The following AMZ1 variants were observed in gnomAD, a reference collection of about 807,000 sequenced individuals.
AMZ1 encodes the protein archaelysin family metallopeptidase 1.
A neutral mutation model predicts 29.9 loss-of-function variants in AMZ1; 39 were observed. The ratio of observed to expected loss-of-function variants is 1.30; its 90% CI spans 1.01 to 1.70. AMZ1 has a LOEUF of 1.70. AMZ1 is among the 40% of genes most tolerant of loss of function. The pLI, the probability that AMZ1 is intolerant of heterozygous loss-of-function variation, is 0.00. For missense variants in AMZ1, 1,041 were observed against 680.6 expected (o/e 1.53, Z -5.89); for synonymous variants, 458 against 304.0 (o/e 1.51, Z -5.27).
In AMZ1 at chr7:2,738,103, T is replaced by G. The variant is rs979426843; in HGVS notation, n.551-26609T>G. ...TTTAATTTGGGTACCTATGAATTGTTTGTTGCTAATTTATCATCCCCAAAT... is the reference window on the plus strand; with the variant it reads ...TTTAATTTGGGTACCTATGAATTGTGTGTTGCTAATTTATCATCCCCAAAT... On this transcript the variant is annotated intron_variant and non_coding_transcript_variant, in intron 4 of 4. Transcript: ENST00000489665. Among the ~76,000 whole-genome samples, 118 of 152,276 alleles carry G rather than the reference T, an allele frequency of 7.7e-4. 1 individual carries two copies. Among genetic ancestry groups the G allele is most frequent in the African/African-American group, 2.8e-3 (115 of 41,540 alleles).
At chr7:2,762,270 A>G (rs1791595534), upstream of AMZ1, 1 of 228,880 alleles carries the variant, frequency 4.4e-6, no homozygotes, top group East Asian at 8.2e-5. Flanking sequence ...TAGGGTCGTC[A>G]CAGAAGGTGC....
Position 2,715,386 on chromosome 7 carries a change from A to AT in AMZ1, c.*2508_*2509insT, listed in dbSNP as rs1456346233. 6.6e-6 allele frequency: 1 copy of AT among 152,360 alleles called. No homozygotes were observed. Among genetic ancestry groups the AT allele is most frequent in the Non-Finnish European group, 1.5e-5 (1 of 68,050 alleles). The allele number at this position is 152,360 out of a possible 1,614,324, so 9.4% of individuals were successfully genotyped here. On this transcript the variant is annotated 3_prime_UTR_variant, in exon 7 of 7. Coordinates refer to ENST00000683327, the MANE Select transcript of AMZ1 (RefSeq NM_001384743.1). ...TTTTCCGATTTCCTTCATCTTCTGC[A>AT]AAAGGTTAACCGCTGGAGTGATGCG...
chr7:2,764,057 A>G (rs972767775), upstream of AMZ1, among the ~76,000 whole-genome samples: 2 of 151,702 alleles, frequency 1.3e-5, no homozygotes, highest in African/African-American at 4.8e-5. Flanking sequence ...GTGTCCTCTG[A>G]TTGGTTGAGT....
chr7:2,757,598 G>C (rs575643510), intron 4 of AMZ1, among the ~76,000 whole-genome samples: 1 of 152,194 alleles, frequency 6.6e-6, no homozygotes, highest in Non-Finnish European at 1.5e-5. Flanking sequence ...AGCACGTGGC[G>C]AACTCTGGAT....
intron 6 of AMZ1, among the ~76,000 whole-genome samples, 194 bp from the exon 7 acceptor site, chr7:2,712,136 T>C (rs956911800): frequency 4.6e-5 from 7 of 152,196 alleles, no homozygotes; most frequent in Non-Finnish European, 8.8e-5. Context: ...GGTGGGTACC[T>C]CTGACTCTGG....
upstream of AMZ1, among the ~76,000 whole-genome samples, chr7:2,683,657 C>G (rs1357318610): frequency 6.6e-6 from 1 of 152,076 alleles, no homozygotes; most frequent in Non-Finnish European, 1.5e-5. Context: ...CCAGGATGGT[C>G]TCGATCTCCT....
chr7:2,733,725 T>C (rs1329449133), intron 4 of AMZ1, among the ~76,000 whole-genome samples: 1 of 152,190 alleles, frequency 6.6e-6, no homozygotes, highest in African/African-American at 2.4e-5. Flanking sequence ...AGGTTCAAAT[T>C]CTGGCTGTTT....
intron 4 of AMZ1, among the ~76,000 whole-genome samples, chr7:2,732,185 C>T (rs1789930631): frequency 6.6e-6 from 1 of 152,102 alleles, no homozygotes; most frequent in Admixed American, 6.6e-5. Flanking sequence ...TAATGTTATT[C>T]TTAGACAATT....
rs750207124 is a variant in AMZ1, at chr7:2,709,177, AG to A, written c.706del (p.Ala236ProfsTer65). 4.9e-5 allele frequency: 76 copies of A among 1,546,494 alleles called. No homozygotes were observed. In the African/African-American group the frequency reaches 1.0e-3, roughly 20 times the overall value. ...ALVEAAADGP[E>X]APLQDRGWAL... ...GTAGAGGCAGCAGCAGACGGCCCCG[AG>A]GCCCCCCTGCAGGACAGGGGCTGGG... On this transcript the variant is annotated frameshift_variant, in exon 5 of 7. Transcript: ENST00000683327. LOFTEE classifies it high-confidence loss of function.
intron 4 of AMZ1, among the ~76,000 whole-genome samples, chr7:2,754,641 G>T (rs539198458): frequency 1.3e-5 from 2 of 152,118 alleles, no homozygotes; most frequent in East Asian, 3.9e-4. Flanking sequence ...CCAGCTATTA[G>T]GGGAGGCTGG....
At position 2,694,330 on chromosome 7, in the gene AMZ1, T is replaced by A. The variant is rs139399472; in HGVS notation, c.-218-5904T>A. 3.7e-3 allele frequency among the ~76,000 whole-genome samples: 563 copies of A among 152,348 alleles called. 7 individuals carry two copies. Among genetic ancestry groups the A allele is most frequent in the African/African-American group, 0.013 (547 of 41,584 alleles). On this transcript the variant is annotated intron_variant, in intron 1 of 6. Coordinates refer to ENST00000683327, the MANE Select transcript of AMZ1 (RefSeq NM_001384743.1). Reference sequence around the variant, plus strand: ...ACTGGATGTCCACCATCGGCTGCCCTGGTTCTCAGGCCTTCGGACATGAGC... The same window carrying A: ...ACTGGATGTCCACCATCGGCTGCCCAGGTTCTCAGGCCTTCGGACATGAGC...
At position 2,709,629 on chromosome 7, in the gene AMZ1, C is replaced by T. The variant is rs762216644; in HGVS notation, c.772-11C>T. On this transcript the variant is annotated splice_polypyrimidine_tract_variant and intron_variant, in intron 5 of 6. Coordinates refer to ENST00000683327, the MANE Select transcript of AMZ1 (RefSeq NM_001384743.1). The stretch of plus-strand genomic sequence containing the variant: ...GCAGTGAGGCAAGGTGCTTGGTGGC[C>T]TTCCCCCCAGGTCACGTGCCACGAG... 6.2e-7 allele frequency: 1 copy of T among 1,605,456 alleles called. No individual in the cohort carries two copies. Among genetic ancestry groups the T allele is most frequent in the African/African-American group, 1.3e-5 (1 of 74,824 alleles).
intron 1 of AMZ1, among the ~76,000 whole-genome samples, chr7:2,691,252 C>T (rs1325469566): frequency 6.8e-6 from 1 of 147,220 alleles, no homozygotes; most frequent in Admixed American, 6.7e-5. Flanking sequence ...TGGGTGCTGG[C>T]AGGAAAGCCC....
chr7:2,712,869 A>G lies in AMZ1; in HGVS notation c.1488A>G (p.Glu496=). The G allele has an allele frequency of 6.6e-7, 1 of 1,523,230 alleles. No homozygotes were observed. Among genetic ancestry groups the G allele is most frequent in the Non-Finnish European group, 8.8e-7 (1 of 1,135,360 alleles). The allele number at this position is 1,523,230 out of a possible 1,614,324, so 94.4% of individuals were successfully genotyped here. A position where few individuals can be genotyped will look rare whatever the true frequency, so the allele number is the denominator to read the frequency against. ...CGGCCCCCCGTCCCTGGGATGGGGA[A>G]GAGAGTTAGTACAGCAGGGGCTGCC... ...AESAPRPWDG[E]ES Residue 496 remains glutamate (E), a synonymous_variant, in exon 7 of 7, where the codon GAA becomes GAG. Transcript: ENST00000683327.
At chr7:2,738,462 C>T (rs1790326491) in intron 4 of AMZ1, among the ~76,000 whole-genome samples, 1 of 152,176 alleles carries the variant, frequency 6.6e-6, no homozygotes, top group Admixed American at 6.5e-5. Context: ...AAGGAGGTTT[C>T]CGATACCCAC....
chr7:2,712,521 G>T lies in AMZ1; in HGVS notation c.1140G>T (p.Gly380=). Residue 380 remains glycine, a synonymous_variant, in exon 7 of 7, where the codon GGG becomes GGT. Coordinates refer to ENST00000683327, the MANE Select transcript of AMZ1 (RefSeq NM_001384743.1). The part of the protein sequence containing the change: ...PDAGSHTFAS[G]PEEGLSYLAA... The stretch of plus-strand genomic sequence containing the variant: ...CCGGGAGTCACACCTTCGCCTCGGG[G>T]CCAGAGGAAGGGCTGAGCTACCTGG... 1 of 1,608,274 alleles carries T rather than the reference G, an allele frequency of 6.2e-7. No individual in the cohort carries two copies. The highest frequency in any genetic ancestry group is 8.5e-7 in the Non-Finnish European group (1 of 1,177,674).
In AMZ1 at chr7:2,702,724, C is replaced by T. The variant is rs1388855326; in HGVS notation, c.307C>T (p.Leu103=). 6.5e-7 allele frequency: 1 copy of T among 1,533,976 alleles called. No individual in the cohort carries two copies. Among genetic ancestry groups the T allele is most frequent in the Admixed American group, 2.0e-5 (1 of 50,740 alleles). The change falls in exon 3 of 7, where the codon CTG becomes TTG. Residue 103 remains leucine (L), a splice_region_variant and synonymous_variant. Transcript: ENST00000683327. The part of the protein sequence containing the change: ...RKHIYLQPID[L]SEEPVGSSLL... Reference sequence around the variant, plus strand: ...TGACGGTGCTGCTCTCCCACCAGACCTGAGCGAGGAGCCGGTGGGAAGCTC... The same window carrying T: ...TGACGGTGCTGCTCTCCCACCAGACTTGAGCGAGGAGCCGGTGGGAAGCTC...
intron 1 of AMZ1, among the ~76,000 whole-genome samples, chr7:2,690,922 C>G (rs1221463532): frequency 6.6e-6 from 1 of 152,024 alleles, no homozygotes; most frequent in Admixed American, 6.6e-5. Context: ...AGGCAGACCA[C>G]TTGAGGCCAG....
Position 2,733,597 on chromosome 7 carries a change from C to T in AMZ1, n.550+23781C>T, listed in dbSNP as rs192420242. 7.0e-5 allele frequency: 64 copies of T among 910,496 alleles called. 1 individual carries two copies. Among genetic ancestry groups the T allele is most frequent in the East Asian group, 5.2e-4 (20 of 38,634 alleles). The allele number at this position is 910,496 out of a possible 1,614,324, so 56.4% of individuals were successfully genotyped here. A position where few individuals can be genotyped will look rare whatever the true frequency, so the allele number is the denominator to read the frequency against. On this transcript the variant is annotated intron_variant and non_coding_transcript_variant, in intron 4 of 4. Transcript: ENST00000489665. ...GAACAGGGTAAGAGCAGTGGCATTT[C>T]GCCTCCGTGTGAATGGGAAAGCAAA...
Sources: allele counts gnomAD v4.1 joint callset (sites outside exome capture counted in the v4.1 genomes callset), GRCh38; gene constraint gnomAD v4.1.1; transcripts MANE v1.5; gene names NCBI Gene and HGNC (gene_info 2026-07-23, HGNC 2026-07-21).